DCAF5: variants seen among roughly 807,000 people sequenced by gnomAD.
The protein encoded by DCAF5 is DDB1- and CUL4-associated factor 5.
Under a neutral mutation model 80.7 loss-of-function variants are expected in DCAF5, and 9 were observed. The observed-to-expected ratio is 0.11, with a 90% confidence interval of 0.07 to 0.19. The LOEUF (loss-of-function observed/expected upper bound fraction) is 0.19, where lower values mean the gene tolerates loss of function less well. DCAF5 is among the 10% of genes least tolerant of loss of function. DCAF5 has a pLI of 1.00. For synonymous variants in DCAF5, 433 were observed against 461.9 expected, an observed-to-expected ratio of 0.94 and a Z score of 0.80; for missense variants, 842 against 1,205.7, an observed-to-expected ratio of 0.70 and a Z score of 4.47.
At chr14:69,112,592 TATACACACACAC>T (rs1018478746) in intron 5 of DCAF5, among the ~76,000 whole-genome samples, 53 of 84,958 alleles carry the variant, frequency 6.2e-4, no homozygotes, top group African/African-American at 2.7e-3. Context: ...GATATATATG[TATACACACACAC>T]ACACACACAC....
chr14:69,123,760 G>A (rs1430776864), intron 1 of DCAF5, among the ~76,000 whole-genome samples: 5 of 152,024 alleles, frequency 3.3e-5, no homozygotes, highest in Admixed American at 1.3e-4. Flanking sequence ...GTGCAGTGGC[G>A]CAATCTCGGC....
At chr14:69,126,302 C>T (rs543954799) in intron 1 of DCAF5, among the ~76,000 whole-genome samples, 1 of 151,908 alleles carries the variant, frequency 6.6e-6, no homozygotes, top group East Asian at 1.9e-4. Context: ...GGATTACAGA[C>T]ACCCACCACC....
intron 4 of DCAF5, among the ~76,000 whole-genome samples, chr14:69,117,730 AG>A (rs1022281731): frequency 6.6e-6 from 1 of 152,196 alleles, no homozygotes; most frequent in African/African-American, 2.4e-5. Context: ...CATCATTTTA[AG>A]ATCCTATACA....
intron 5 of DCAF5, among the ~76,000 whole-genome samples, chr14:69,110,817 G>A (rs2040336203): frequency 7.0e-6 from 1 of 142,970 alleles, no homozygotes; most frequent in South Asian, 2.2e-4. Flanking sequence ...GGTCAAGGCT[G>A]CAGTAGCCAT....
chr14:69,143,641 G>A (rs2041445397), intron 1 of DCAF5, among the ~76,000 whole-genome samples: 2 of 150,826 alleles, frequency 1.3e-5, no homozygotes, highest in South Asian at 4.2e-4. Flanking sequence ...AGGCGCCGGG[G>A]AGTGCTGCAG....
In DCAF5 at chr14:69,122,201, G is replaced by T; in HGVS notation, c.358+16C>A. ...CAACCACAGTGACGTTCCCAAGGTA[G>T]AATCTCCCTTTTTACCTCCAGAGAA... On this transcript the variant is annotated intron_variant, in intron 2 of 8. Transcript: ENST00000341516. The T allele has an allele frequency of 6.2e-7, 1 of 1,608,992 alleles. No homozygotes were observed. The highest frequency in any genetic ancestry group is 8.5e-7 in the Non-Finnish European group (1 of 1,175,794).
chr14:69,053,717 G>C lies in DCAF5; in HGVS notation c.*140C>G, dbSNP rs913116929. 1.4e-6 allele frequency: 1 copy of C among 737,770 alleles called. No homozygotes were observed. The highest frequency in any genetic ancestry group is 1.8e-5 in the African/African-American group (1 of 56,210). 45.7% of individuals were successfully genotyped at this position (737,770 alleles called of 1,614,324 possible). ...CCGTTGTTGAATGTTGGATAGAAGG[G>C]AGCAGCATCAGACACAAAATTTCAG... On this transcript the variant is annotated 3_prime_UTR_variant, in exon 9 of 9. Coordinates refer to ENST00000341516, the MANE Select transcript of DCAF5 (RefSeq NM_003861.3).
At chr14:69,143,842 C>T (rs982059071) in intron 1 of DCAF5, 2 of 152,292 alleles carry the variant, frequency 1.3e-5, no homozygotes, top group African/African-American at 4.8e-5. Context: ...TTACGTTTCA[C>T]ATCATTTTTT....
chr14:69,150,050 G>T (rs1325613163), intron 1 of DCAF5, among the ~76,000 whole-genome samples: 1 of 152,208 alleles, frequency 6.6e-6, no homozygotes, highest in Non-Finnish European at 1.5e-5. Flanking sequence ...TGTTAACACA[G>T]CTGTGTACTC....
chr14:69,051,215 A>G lies in DCAF5; in HGVS notation c.*2642T>C, dbSNP rs951198344. On this transcript the variant is annotated 3_prime_UTR_variant, in exon 9 of 9. Transcript: ENST00000341516. ...TATGTACAGAATGCAGGAAAAAAAC[A>G]TAAGAGGCACTTCCAAATAGTTCTT... 6 of 152,812 alleles carry G rather than the reference A, an allele frequency of 3.9e-5. No individual in the cohort carries two copies. The highest frequency in any genetic ancestry group is 2.0e-4 in the Admixed American group (3 of 15,308). 9.5% of individuals were successfully genotyped at this position (152,812 alleles called of 1,614,324 possible).
Position 69,051,458 on chromosome 14 carries a change from C to T in DCAF5, c.*2399G>A, listed in dbSNP as rs2037757468. 6.6e-6 allele frequency: 1 copy of T among 152,166 alleles called. No homozygotes were observed. The highest frequency in any genetic ancestry group is 6.5e-5 in the Admixed American group (1 of 15,284). The allele number at this position is 152,166 out of a possible 1,614,324, so 9.4% of individuals were successfully genotyped here. On this transcript the variant is annotated 3_prime_UTR_variant, in exon 9 of 9. Transcript: ENST00000341516. Reference sequence around the variant, plus strand: ...TATAAAGCAAGCATTTCTCACCCTGCTCATGTGTGTGTCTTATGGGGCCTA... The same window carrying T: ...TATAAAGCAAGCATTTCTCACCCTGTTCATGTGTGTGTCTTATGGGGCCTA...
chr14:69,084,842 C>A, intron 6 of DCAF5: 1 of 1,095,262 alleles, frequency 9.1e-7, no homozygotes, highest in Admixed American at 1.7e-5. Context: ...AGCAAGAGAA[C>A]TGGACATTAC....
chr14:69,141,477 A>G (rs987924772), intron 1 of DCAF5, among the ~76,000 whole-genome samples: 38 of 152,194 alleles, frequency 2.5e-4, no homozygotes, highest in Admixed American at 2.6e-4. Context: ...TACATTAGGT[A>G]TATCTCCTAA....
At position 69,055,375 on chromosome 14, in the gene DCAF5, G is replaced by A; in HGVS notation, c.1311C>T (p.Asp437=). 1 of 1,614,188 alleles carries A rather than the reference G, an allele frequency of 6.2e-7. No homozygotes were observed. Among genetic ancestry groups the A allele is most frequent in the Non-Finnish European group, 8.5e-7 (1 of 1,180,040 alleles). The change falls in exon 9 of 9, where the codon GAC becomes GAT. Residue 437 remains aspartate (D), a synonymous_variant. Transcript: ENST00000341516. This position sits in a 1 kb window ranked among gnomAD's most constrained non-coding sequence, Gnocchi z 5.6. ...GTTGGAGGATAGTACTCTCACTGAG[G>A]TCACTGTCTGAGTCAGAGCTCCAGC... ...IEGWSSDSDS[D]LSESTILQLH... is the part of the protein sequence containing the mutation.
chr14:69,098,682 G>A (rs1405499107), intron 5 of DCAF5, among the ~76,000 whole-genome samples: 1 of 134,410 alleles, frequency 7.4e-6, no homozygotes, highest in East Asian at 2.2e-4. Flanking sequence ...AGGAGATCAA[G>A]ACCATCCTTG....
intron 7 of DCAF5, among the ~76,000 whole-genome samples, chr14:69,072,038 G>T (rs1017447516): frequency 3.9e-5 from 6 of 152,140 alleles, no homozygotes; most frequent in African/African-American, 1.4e-4. Flanking sequence ...GGCAATACAA[G>T]GCACAGCTGG....
In DCAF5 at chr14:69,054,782, C is replaced by T. The variant is rs752295228; in HGVS notation, c.1904G>A (p.Arg635Gln). The T allele has an allele frequency of 2.1e-5, 34 of 1,614,078 alleles. No homozygotes were observed. The highest frequency in any genetic ancestry group is 2.6e-5 in the Non-Finnish European group (31 of 1,180,040). Residue 635 changes from arginine (R) to glutamine (Q), a missense_variant, in exon 9 of 9, where the codon CGG becomes CAG. This residue lies in a region of DCAF5 where 607 missense variants were observed against 656.6 expected (regional missense o/e 0.92). Coordinates refer to ENST00000341516, the MANE Select transcript of DCAF5 (RefSeq NM_003861.3). ...LSSSPTSSPERSTSTLEIQPS... is the reference protein window; with the variant it reads ...LSSSPTSSPEQSTSTLEIQPS... ...TTGAATCTCTAGCGTGGAAGTGCTC[C>T]GCTCAGGGGACGAGGTTGGGGAGGA...
chr14:69,123,146 A>T (rs1343534006), intron 1 of DCAF5, among the ~76,000 whole-genome samples: 3 of 152,256 alleles, frequency 2.0e-5, no homozygotes, highest in Non-Finnish European at 4.4e-5. Flanking sequence ...CATACTATGA[A>T]GCCATTAAGT....
At chr14:69,119,791 T>C (rs897519488) in intron 2 of DCAF5, among the ~76,000 whole-genome samples, 1 of 151,972 alleles carries the variant, frequency 6.6e-6, no homozygotes. Flanking sequence ...GACAAATCAA[T>C]TCACTAGCTT....
Sources: gnomAD v4.1 joint callset for allele counts (sites outside exome capture counted in the v4.1 genomes callset) on GRCh38, gnomAD v4.1.1 for gene constraint, gnomAD v4.1.1 regional missense constraint, Gnocchi (gnomAD v3.1) non-coding constraint, MANE v1.5 for transcripts, NCBI Gene and HGNC (gene_info 2026-07-23, HGNC 2026-07-21) for gene names.